Variants in SIPA1L1 observed in about 807,000 individuals in gnomAD.
SIPA1L1 encodes the protein signal-induced proliferation-associated 1-like protein 1.
SIPA1L1 carries 26 observed loss-of-function variants against 162.7 expected under a neutral mutation model. The ratio of observed to expected loss-of-function variants is 0.16; its 90% CI spans 0.12 to 0.22. The LOEUF is 0.22. Among genes scored for constraint, SIPA1L1 ranks in the 10% least tolerant of loss-of-function variants. The probability of loss-of-function intolerance (pLI) is 1.00; values close to 1 mark genes in which losing one functional copy is unlikely to be tolerated. For missense variants in SIPA1L1, 1,874 were observed against 2,241.0 expected (o/e 0.84, Z 3.31); for synonymous variants, 829 against 837.4 (o/e 0.99, Z 0.17).
At chr14:71,482,216 G>C (rs1011546171) in intron 2 of SIPA1L1, among the ~76,000 whole-genome samples, 83 of 152,288 alleles carry the variant, frequency 5.5e-4, no homozygotes, top group Non-Finnish European at 1.0e-3. Flanking sequence ...GAGTAGGTAA[G>C]TGCTAAGGAT....
intron 4 of SIPA1L1, among the ~76,000 whole-genome samples, chr14:71,569,105 C>T (rs1373820522): frequency 6.6e-6 from 1 of 150,482 alleles, no homozygotes; most frequent in African/African-American, 2.5e-5. Flanking sequence ...TTTACTTTCC[C>T]TCATCAAGCC....
chr14:71,470,551 A>T (rs1297980881), intron 2 of SIPA1L1, among the ~76,000 whole-genome samples: 1 of 152,196 alleles, frequency 6.6e-6, no homozygotes, highest in East Asian at 1.9e-4. Context: ...AGTTGTATAT[A>T]ACAAAGGGAG....
intron 12 of SIPA1L1, among the ~76,000 whole-genome samples, chr14:71,681,272 G>A (rs2045781713): frequency 6.6e-6 from 1 of 152,148 alleles, no homozygotes; most frequent in Non-Finnish European, 1.5e-5. Context: ...AGCATCAATA[G>A]ATTAGTGACC....
Position 71,602,078 on chromosome 14 carries a change from A to G in SIPA1L1, c.1498+12708A>G, listed in dbSNP as rs879603499. On this transcript the variant is annotated intron_variant, in intron 5 of 23. Coordinates refer to ENST00000381232, the MANE Select transcript of SIPA1L1 (RefSeq NM_001386936.1). ...CTCTATTTTGTTTAATTCTTCTGTG[A>G]TCTGTTATTTCTTTCCTTCTACTAA... Among the ~76,000 whole-genome samples the G allele has an allele frequency of 4.1e-4, 62 of 150,050 alleles. 1 individual carries two copies. Among genetic ancestry groups the G allele is most frequent in the South Asian group, 2.7e-3 (13 of 4,776 alleles).
chr14:71,331,057 T>A (rs1051386578), intron 2 of SIPA1L1, among the ~76,000 whole-genome samples: 3 of 152,258 alleles, frequency 2.0e-5, no homozygotes, highest in African/African-American at 4.8e-5. Context: ...AGGTCTTTAG[T>A]CCATTTTGGG....
Position 71,493,766 on chromosome 14 carries a change from C to T in SIPA1L1, c.-464-18977C>T, listed in dbSNP as rs192109398. 9.2e-5 allele frequency among the ~76,000 whole-genome samples: 14 copies of T among 152,158 alleles called. 1 individual carries two copies. In the South Asian group the frequency reaches 2.5e-3, roughly 27 times the overall value. ...TATTCAAATGGATTAAGAAAATTAA[C>T]GTGTGTTTATATTTGGAAAACGTCA... On this transcript the variant is annotated intron_variant, in intron 2 of 23. Transcript: ENST00000381232.
chr14:71,412,223 C>T (rs534798982), intron 2 of SIPA1L1, among the ~76,000 whole-genome samples: 3 of 152,212 alleles, frequency 2.0e-5, no homozygotes, highest in Non-Finnish European at 2.9e-5. Context: ...CTGCAGCCCA[C>T]GAGCCACATG....
intron 8 of SIPA1L1, among the ~76,000 whole-genome samples, chr14:71,653,643 G>C (rs552530220): frequency 6.6e-6 from 1 of 152,222 alleles, no homozygotes; most frequent in Admixed American, 6.5e-5. Context: ...AAGGCTGCCT[G>C]TTCTCCAATG....
intron 13 of SIPA1L1, among the ~76,000 whole-genome samples, chr14:71,698,058 C>G (rs756810800): frequency 2.0e-5 from 3 of 152,192 alleles, no homozygotes; most frequent in Admixed American, 2.0e-4. Context: ...TTAGATTTCA[C>G]TTCCTAAGTT....
chr14:71,336,963 G>A (rs1170129974), intron 2 of SIPA1L1, among the ~76,000 whole-genome samples: 1 of 151,986 alleles, frequency 6.6e-6, no homozygotes, highest in Non-Finnish European at 1.5e-5. Context: ...GTATCTAAGC[G>A]GCTGTATCTA....
intron 12 of SIPA1L1, among the ~76,000 whole-genome samples, chr14:71,678,350 AG>A (rs1252698250): frequency 1.3e-5 from 2 of 152,332 alleles, no homozygotes; most frequent in South Asian, 2.1e-4. Flanking sequence ...TTTAGCATGA[AG>A]GGCTGTTGAA....
chr14:71,728,077 G>A (rs530391496), intron 19 of SIPA1L1, among the ~76,000 whole-genome samples: 1 of 152,204 alleles, frequency 6.6e-6, no homozygotes, highest in Non-Finnish European at 1.5e-5. Flanking sequence ...AAACCATCAG[G>A]CTGGGGATAC....
chr14:71,377,416 CA>C lies in SIPA1L1; in HGVS notation c.-465+56236del, dbSNP rs1165946204. 6.6e-6 allele frequency among the ~76,000 whole-genome samples: 1 copy of C among 150,878 alleles called. No individual in the cohort carries two copies. The highest frequency in any genetic ancestry group is 1.5e-5 in the Non-Finnish European group (1 of 67,760). On this transcript the variant is annotated intron_variant, in intron 2 of 23. Coordinates refer to ENST00000381232, the MANE Select transcript of SIPA1L1 (RefSeq NM_001386936.1). This position sits in a 1 kb window ranked among gnomAD's most constrained non-coding sequence, Gnocchi z 4.8. Reference sequence around the variant, plus strand: ...GCAGAGGCACTCCTCACCTCCCAGACAGGGTGGCAGCCGGGTAGAGATGCTC... The same window carrying C: ...GCAGAGGCACTCCTCACCTCCCAGACGGGTGGCAGCCGGGTAGAGATGCTC...
intron 13 of SIPA1L1, among the ~76,000 whole-genome samples, chr14:71,691,573 A>G (rs1241434508): frequency 6.6e-6 from 1 of 152,160 alleles, no homozygotes; most frequent in Non-Finnish European, 1.5e-5. Flanking sequence ...AGCCGGGGTA[A>G]CAGAGTGAGA....
At chr14:71,549,286 C>G (rs2055561846) in intron 4 of SIPA1L1, among the ~76,000 whole-genome samples, 1 of 151,980 alleles carries the variant, frequency 6.6e-6, no homozygotes, top group African/African-American at 2.4e-5. Context: ...TTTTCATTCA[C>G]CTCATCATCT....
intron 14 of SIPA1L1, among the ~76,000 whole-genome samples, chr14:71,699,610 A>G (rs1211298579): frequency 6.6e-6 from 1 of 152,164 alleles, no homozygotes; most frequent in Non-Finnish European, 1.5e-5. Flanking sequence ...GGCCCCGGTA[A>G]ATGAGGAGTT....
intron 2 of SIPA1L1, among the ~76,000 whole-genome samples, chr14:71,435,559 T>G (rs2141056362): frequency 6.6e-6 from 1 of 152,346 alleles, no homozygotes; most frequent in East Asian, 1.9e-4. Context: ...CCACATTTTC[T>G]TAATCCAGTC....
At chr14:71,513,890 G>A (rs906895762) in intron 3 of SIPA1L1, among the ~76,000 whole-genome samples, 2 of 152,320 alleles carry the variant, frequency 1.3e-5, no homozygotes, top group Non-Finnish European at 2.9e-5. Context: ...CTCGCAGATA[G>A]ATGTTGATGC....
intron 2 of SIPA1L1, among the ~76,000 whole-genome samples, chr14:71,338,367 TGAGTA>T (rs1333787351): frequency 6.6e-6 from 1 of 152,110 alleles, no homozygotes; most frequent in Non-Finnish European, 1.5e-5. Context: ...ACAGAACCAA[TGAGTA>T]GAGTAAATAC....
Sources: gnomAD v4.1 joint callset for allele counts (sites outside exome capture counted in the v4.1 genomes callset) on GRCh38, gnomAD v4.1.1 for gene constraint, Gnocchi (gnomAD v3.1) non-coding constraint, MANE v1.5 for transcripts, NCBI Gene and HGNC (gene_info 2026-07-23, HGNC 2026-07-21) for gene names.